PLA2G15: variants seen among roughly 807,000 people sequenced by gnomAD.
The protein encoded by PLA2G15 is lysosomal phospholipase A and acyltransferase.
PLA2G15 carries 20 observed loss-of-function variants against 40.9 expected under a neutral mutation model. The observed-to-expected ratio is 0.49, with a 90% CI of 0.34 to 0.71. The LOEUF (loss-of-function observed/expected upper bound fraction) is 0.71. Among genes scored for constraint, PLA2G15 ranks in the 30% least tolerant of loss-of-function variants. PLA2G15 has a pLI of 0.01. For synonymous variants in PLA2G15, 223 were observed against 228.2 expected (o/e 0.98, Z 0.21); for missense variants, 471 against 541.9 (o/e 0.87, Z 1.30).
At chr16:68,245,858 T>C (rs75491406) in intron 1 of PLA2G15, among the ~76,000 whole-genome samples, 285 of 152,244 alleles carry the variant, frequency 1.9e-3, no homozygotes, top group African/African-American at 6.5e-3. Context: ...ATTTTTAAGC[T>C]GGAAAGACAG....
chr16:68,252,220 T>C (rs1473116184), intron 2 of PLA2G15, among the ~76,000 whole-genome samples: 1 of 152,178 alleles, frequency 6.6e-6, no homozygotes, highest in Non-Finnish European at 1.5e-5. Flanking sequence ...TGCTATGTGG[T>C]CATTGGGATA....
chr16:68,248,798 A>G, intron 1 of PLA2G15: 2 of 708,772 alleles, frequency 2.8e-6, no homozygotes, highest in South Asian at 5.9e-5. Context: ...GGGTCCATTA[A>G]CCATAGAAAC....
intron 2 of PLA2G15, chr16:68,250,358 C>T (rs1369573551): frequency 3.5e-6 from 1 of 284,292 alleles, no homozygotes. Context: ...GCAAGCTCCG[C>T]CTCCCGGGTT....
At chr16:68,250,932 G>A (rs530829899) in intron 2 of PLA2G15, among the ~76,000 whole-genome samples, 3 of 152,214 alleles carry the variant, frequency 2.0e-5, no homozygotes, top group African/African-American at 4.8e-5. Flanking sequence ...TCCCCAGAGC[G>A]GTTTGCCTCT....
rs773242689 is a variant in PLA2G15 at position 68,255,357 on chromosome 16, CCTA to C, written c.480_482del (p.Tyr161del). On this transcript the variant is annotated inframe_deletion, in exon 4 of 6. Transcript: ENST00000219345. This position sits in a 1 kb window ranked among gnomAD's most constrained non-coding sequence, Gnocchi z 5.9. ...CGGGGTGAGGATGTCCGAGGGGCTC[CCTA>C]TGACTGGCGCCGAGCCCCAAGTAAG... is the stretch of plus-strand genomic sequence containing the variant. The C allele has an allele frequency of 6.2e-7, 1 of 1,612,500 alleles. No individual in the cohort carries two copies. The highest frequency in any genetic ancestry group is 8.5e-7 in the Non-Finnish European group (1 of 1,179,254).
chr16:68,248,671 G>A, intron 1 of PLA2G15: 1 of 965,584 alleles, frequency 1.0e-6, no homozygotes. Flanking sequence ...ACAGGCATGA[G>A]CCCCTGCGCC....
At chr16:68,258,434 T>C (rs1039156189) in intron 5 of PLA2G15, among the ~76,000 whole-genome samples, 1 of 151,834 alleles carries the variant, frequency 6.6e-6, no homozygotes, top group Non-Finnish European at 1.5e-5. Context: ...GATGGTAGAG[T>C]TTACAGGCAA....
At chr16:68,248,830 G>A in intron 1 of PLA2G15, 1 of 484,312 alleles carries the variant, frequency 2.1e-6, no homozygotes, top group Non-Finnish European at 2.7e-6. Flanking sequence ...GTGTGTCTGT[G>A]TTTGCTGGGG....
rs200946495 is a variant in PLA2G15 at position 68,259,676 on chromosome 16, C to G, written c.*19C>G. Reference sequence around the variant, plus strand: ...GCCCTGACTCCTGTGCCACAGGACTCCTGTGGCTCGGCCGTGGACCTGCTG... The same window carrying G: ...GCCCTGACTCCTGTGCCACAGGACTGCTGTGGCTCGGCCGTGGACCTGCTG... On this transcript the variant is annotated 3_prime_UTR_variant, in exon 6 of 6. Transcript: ENST00000219345. This position sits in a 1 kb window ranked among gnomAD's most constrained non-coding sequence, Gnocchi z 6.5. The G allele has an allele frequency of 2.1e-5, 34 of 1,602,722 alleles. No individual in the cohort carries two copies. The East Asian group carries it at 6.3e-4, about 30-fold the overall frequency.
rs759078290 is a variant in PLA2G15, at chr16:68,255,298, C to T, written c.420C>T (p.Thr140=). 6.2e-6 allele frequency: 10 copies of T among 1,613,422 alleles called. No individual in the cohort carries two copies. In the South Asian group the frequency reaches 1.1e-4, roughly 18 times the overall value. The change falls in exon 4 of 6, where the codon ACC becomes ACT. Residue 140 remains threonine (T), a synonymous_variant. Transcript: ENST00000219345. The surrounding 1 kb of genome is among the most constrained non-coding windows in gnomAD (Gnocchi z 5.9). ...SKSSVGSYFH[T]MVESLVGWGY... ...TGTCTACAGGTTCCTATTTCCACAC[C>T]ATGGTGGAGAGCCTTGTGGGCTGGG... is the stretch of plus-strand genomic sequence containing the variant.
At position 68,255,632 on chromosome 16, in the gene PLA2G15, G is replaced by A; in HGVS notation, c.503-134G>A. 2 of 732,882 alleles carry A rather than the reference G, an allele frequency of 2.7e-6. No homozygotes were observed. The highest frequency in any genetic ancestry group is 4.6e-6 in the Non-Finnish European group (2 of 431,398). 45.4% of individuals were successfully genotyped at this position (732,882 alleles called of 1,614,324 possible). A position where few individuals can be genotyped will look rare whatever the true frequency, so the allele number is the denominator to read the frequency against. On this transcript the variant is annotated intron_variant, in intron 4 of 5. Transcript: ENST00000219345. This position sits in a 1 kb window ranked among gnomAD's most constrained non-coding sequence, Gnocchi z 5.9. Reference sequence around the variant, plus strand: ...GCTTCCTCCCTTCATGGAAGGCGGGGGGACCCAGACCGCTCTGTTTGAATG... The same window carrying A: ...GCTTCCTCCCTTCATGGAAGGCGGGAGGACCCAGACCGCTCTGTTTGAATG...
At chr16:68,246,735 G>A (rs2042312566) in intron 1 of PLA2G15, among the ~76,000 whole-genome samples, 2 of 152,332 alleles carry the variant, frequency 1.3e-5, no homozygotes, top group East Asian at 1.9e-4. Flanking sequence ...ATGGGTGGGT[G>A]TCAAGTAAGG....
At position 68,257,672 on chromosome 16, in the gene PLA2G15, G is replaced by A. The variant is rs138718636; in HGVS notation, c.728-1474G>A. ...ACTGCTTGACCTGCTTGGTCTACTG[G>A]CATTGTGATTGGGTCAGGCCCAGTG... On this transcript the variant is annotated intron_variant, in intron 5 of 5. Transcript: ENST00000219345. Among the ~76,000 whole-genome samples the A allele has an allele frequency of 5.9e-3, 905 of 152,280 alleles. 10 individuals carry two copies. Among genetic ancestry groups the A allele is most frequent in the African/African-American group, 0.019 (796 of 41,542 alleles).
Position 68,255,635 on chromosome 16 carries a change from A to G in PLA2G15, c.503-131A>G. ...TCCTCCCTTCATGGAAGGCGGGGGG[A>G]CCCAGACCGCTCTGTTTGAATGTGA... On this transcript the variant is annotated intron_variant, in intron 4 of 5. Coordinates refer to ENST00000219345, the MANE Select transcript of PLA2G15 (RefSeq NM_012320.4). This position sits in a 1 kb window ranked among gnomAD's most constrained non-coding sequence, Gnocchi z 5.9. The G allele has an allele frequency of 1.3e-6, 1 of 745,748 alleles. No individual in the cohort carries two copies. The highest frequency in any genetic ancestry group is 2.3e-6 in the Non-Finnish European group (1 of 439,106). 46.2% of individuals were successfully genotyped at this position (745,748 alleles called of 1,614,324 possible).
At chr16:68,249,910 G>A (rs930327559) in intron 2 of PLA2G15, among the ~76,000 whole-genome samples, 3 of 152,038 alleles carry the variant, frequency 2.0e-5, no homozygotes, top group Non-Finnish European at 4.4e-5. Flanking sequence ...GAACTCCTGA[G>A]CTCAAGTGTT....
chr16:68,256,297 G>A (rs12446418), intron 5 of PLA2G15: 26,566 of 291,098 alleles, frequency 0.091, 1,486 homozygotes, highest in South Asian at 0.18. Flanking sequence ...GGGAAAGGGC[G>A]ACTCCGATGC....
Position 68,255,616 on chromosome 16 carries a change from C to T in PLA2G15, c.503-150C>T, listed in dbSNP as rs1285304817. 4 of 685,300 alleles carry T rather than the reference C, an allele frequency of 5.8e-6. No homozygotes were observed. The East Asian group carries it at 8.1e-5, about 14-fold the overall frequency. 42.5% of individuals were successfully genotyped at this position (685,300 alleles called of 1,614,324 possible). A position where few individuals can be genotyped will look rare whatever the true frequency, so the allele number is the denominator to read the frequency against. On this transcript the variant is annotated intron_variant, in intron 4 of 5. Coordinates refer to ENST00000219345, the MANE Select transcript of PLA2G15 (RefSeq NM_012320.4). The surrounding 1 kb of genome is among the most constrained non-coding windows in gnomAD (Gnocchi z 5.9). ...TGGGGAGAAATATAAGGCTTCCTCCCTTCATGGAAGGCGGGGGGACCCAGA... is the reference window on the plus strand; with the variant it reads ...TGGGGAGAAATATAAGGCTTCCTCCTTTCATGGAAGGCGGGGGGACCCAGA...
Position 68,256,084 on chromosome 16 carries a change from T to TG in PLA2G15, c.727+95dup, listed in dbSNP as rs1459036246. 5 of 770,910 alleles carry TG rather than the reference T, an allele frequency of 6.5e-6. No individual in the cohort carries two copies. In the Admixed American group the frequency reaches 1.1e-4, roughly 16 times the overall value. The allele number at this position is 770,910 out of a possible 1,614,324, so 47.8% of individuals were successfully genotyped here. ...TGTCCTCCTGGGCCAGCATGCCTCG[T>TG]GTCTGTCCCACGGTGTGTGGGGTCT... is the stretch of plus-strand genomic sequence containing the variant. On this transcript the variant is annotated intron_variant, in intron 5 of 5. Transcript: ENST00000219345.
chr16:68,245,591 C>A, intron 1 of PLA2G15, 38 bp downstream of exon 1: 2 of 1,542,528 alleles, frequency 1.3e-6, no homozygotes, highest in East Asian at 2.4e-5. Flanking sequence ...GTCGGTCGGG[C>A]GGGACGGGCC....
Sources: gnomAD v4.1 joint callset for allele counts (sites outside exome capture counted in the v4.1 genomes callset) on GRCh38, gnomAD v4.1.1 for gene constraint, Gnocchi (gnomAD v3.1) non-coding constraint, MANE v1.5 for transcripts, NCBI Gene and HGNC (gene_info 2026-07-23, HGNC 2026-07-21) for gene names.